The following FNBP1 variants were observed in gnomAD, a reference collection of about 807,000 sequenced individuals.
FNBP1 encodes the protein formin-binding protein 1.
In FNBP1, 26 loss-of-function variants were observed where a neutral mutation model predicts 90.6. The ratio of observed to expected loss-of-function variants is 0.29; its 90% CI spans 0.21 to 0.40. The LOEUF (loss-of-function observed/expected upper bound fraction) is 0.40, where lower values mean the gene tolerates loss of function less well. FNBP1 is among the 10% of genes least tolerant of loss of function. The pLI is 1.00. For synonymous variants in FNBP1, 260 were observed against 265.2 expected (o/e 0.98, Z 0.19); for missense variants, 635 against 768.0 (o/e 0.83, Z 2.05).
chr9:129,989,403 T>A (rs2052772776), intron 2 of FNBP1, among the ~76,000 whole-genome samples: 1 of 152,052 alleles, frequency 6.6e-6, no homozygotes, highest in African/African-American at 2.4e-5. Flanking sequence ...CACAGGCCGG[T>A]GCAAACACAT....
chr9:129,897,578 T>A (rs1240671972), intron 15 of FNBP1, among the ~76,000 whole-genome samples: 1 of 152,102 alleles, frequency 6.6e-6, no homozygotes, highest in Non-Finnish European at 1.5e-5. Flanking sequence ...AAAATGCAAC[T>A]TTTTCGTAAT....
intron 4 of FNBP1, among the ~76,000 whole-genome samples, chr9:129,969,297 A>T (rs1471532254): frequency 6.6e-6 from 1 of 152,236 alleles, no homozygotes; most frequent in Non-Finnish European, 1.5e-5. Context: ...TCAGAGTTTT[A>T]TCAAGAACCA....
chr9:129,908,378 CTTT>C (rs530113400), intron 12 of FNBP1, among the ~76,000 whole-genome samples: 2 of 132,490 alleles, frequency 1.5e-5, no homozygotes, highest in Admixed American at 7.7e-5. Flanking sequence ...TAGTTTTTTT[CTTT>C]TTTTTTTTTT....
At chr9:129,956,590 T>C (rs919656878) in intron 6 of FNBP1, among the ~76,000 whole-genome samples, 1 of 152,192 alleles carries the variant, frequency 6.6e-6, no homozygotes, top group Non-Finnish European at 1.5e-5. Context: ...GACTGAAATA[T>C]GCAAGGCTTC....
chr9:130,045,536 A>C (rs2060055840), upstream of FNBP1, among the ~76,000 whole-genome samples: 1 of 152,228 alleles, frequency 6.6e-6, no homozygotes, highest in Admixed American at 6.5e-5. Flanking sequence ...GGACAGCAGA[A>C]GAAAAAAAGA....
chr9:129,943,469 C>A (rs549482798), intron 6 of FNBP1, among the ~76,000 whole-genome samples: 76 of 133,272 alleles, frequency 5.7e-4, no homozygotes, highest in Non-Finnish European at 1.0e-3. Flanking sequence ...TCACTGCAAC[C>A]TTTGCCTCCC....
At chr9:130,033,768 G>A (rs577677032) in intron 1 of FNBP1, among the ~76,000 whole-genome samples, 30 of 149,876 alleles carry the variant, frequency 2.0e-4, no homozygotes, top group Non-Finnish European at 3.4e-4. Flanking sequence ...CGAGGCGGGC[G>A]GATCACGAGG....
At chr9:129,918,642 T>G (rs961779241) in intron 10 of FNBP1, among the ~76,000 whole-genome samples, 1 of 152,186 alleles carries the variant, frequency 6.6e-6, no homozygotes, top group Admixed American at 6.5e-5. Context: ...CTTGATTTGT[T>G]TGTTTGTTCT....
At chr9:129,912,813 C>T (rs1226256709) in intron 11 of FNBP1, among the ~76,000 whole-genome samples, 1 of 152,074 alleles carries the variant, frequency 6.6e-6, no homozygotes, top group African/African-American at 2.4e-5. Context: ...TGGCAATGTT[C>T]TATGGCCGCT....
chr9:129,912,498 G>A (rs1192013732), intron 11 of FNBP1, among the ~76,000 whole-genome samples: 1 of 151,792 alleles, frequency 6.6e-6, no homozygotes, highest in Non-Finnish European at 1.5e-5. Flanking sequence ...AGACGAGCCT[G>A]ACCAACATGG....
intron 6 of FNBP1, among the ~76,000 whole-genome samples, chr9:129,946,079 G>A (rs2045240986): frequency 6.6e-6 from 1 of 152,072 alleles, no homozygotes; most frequent in South Asian, 2.1e-4. Context: ...TGAGGCACGA[G>A]AATCACTTGA....
In FNBP1 at chr9:129,900,682, C is replaced by T; in HGVS notation, c.1429-135G>A. The T allele has an allele frequency of 1.1e-6, 1 of 928,806 alleles. No homozygotes were observed. Among genetic ancestry groups the T allele is most frequent in the Non-Finnish European group, 1.4e-6 (1 of 696,922 alleles). The allele number at this position is 928,806 out of a possible 1,614,324, so 57.5% of individuals were successfully genotyped here. A position where few individuals can be genotyped will look rare whatever the true frequency, so the allele number is the denominator to read the frequency against. On this transcript the variant is annotated intron_variant, in intron 13 of 16. Transcript: ENST00000446176. This position sits in a 1 kb window ranked among gnomAD's most constrained non-coding sequence, Gnocchi z 4.1. ...TCCCAAACTCAGGGGCTACTCTTGG[C>T]CATTTAACCCAATGTGAGGAAGTCC...
At chr9:129,919,379 A>G in intron 10 of FNBP1, 1 of 360,390 alleles carries the variant, frequency 2.8e-6, no homozygotes, top group Non-Finnish European at 5.4e-6. Flanking sequence ...AATGAACTCT[A>G]AAATATGAAA....
At chr9:129,956,720 T>A (rs2046995612) in intron 6 of FNBP1, among the ~76,000 whole-genome samples, 1 of 152,118 alleles carries the variant, frequency 6.6e-6, no homozygotes, top group South Asian at 2.1e-4. Flanking sequence ...CCCTGTCCTG[T>A]CTCCTCCGGC....
intron 12 of FNBP1, among the ~76,000 whole-genome samples, chr9:129,908,028 G>A (rs188314264): frequency 3.9e-4 from 59 of 151,704 alleles, no homozygotes; most frequent in African/African-American, 1.3e-3. Flanking sequence ...TGCCCAGCTG[G>A]GTTTTGATTC....
At chr9:129,921,568 A>T (rs528707582) in intron 10 of FNBP1, among the ~76,000 whole-genome samples, 50 of 152,028 alleles carry the variant, frequency 3.3e-4, no homozygotes, top group African/African-American at 1.2e-3. Context: ...GACATTAACC[A>T]TGCCCGGCTA....
chr9:129,929,808 T>A, intron 6 of FNBP1, 113 bp from the exon 7 acceptor site: 1 of 897,350 alleles, frequency 1.1e-6, no homozygotes, highest in Non-Finnish European at 1.7e-6. Flanking sequence ...CAGATTTACC[T>A]CAAATGTATT....
chr9:129,923,963 A>G lies in FNBP1; in HGVS notation c.1051T>C (p.Ser351Pro), dbSNP rs754365231. The change falls in exon 10 of 17, where the codon TCT (serine) becomes CCT (proline). Residue 351 changes from serine to proline, a missense_variant. Coordinates refer to ENST00000446176, the MANE Select transcript of FNBP1 (RefSeq NM_015033.3). ...PPPPPASASP[S>P]AVPNGPQSPK... ...GACTGGGGGCCGTTGGGAACAGCAG[A>G]GGGTGAGGCAGAGGCAGGAGGGGGA... 12 of 1,339,442 alleles carry G rather than the reference A, an allele frequency of 9.0e-6. No individual in the cohort carries two copies. The South Asian group carries it at 1.6e-4, about 18-fold the overall frequency. 83.0% of individuals were successfully genotyped at this position (1,339,442 alleles called of 1,614,324 possible).
chr9:129,899,288 G>C (rs775699879), intron 15 of FNBP1, among the ~76,000 whole-genome samples: 1 of 151,994 alleles, frequency 6.6e-6, no homozygotes, highest in Non-Finnish European at 1.5e-5. Flanking sequence ...ATGTTGGCGA[G>C]GCTGGTCTTG....
Sources: allele counts gnomAD v4.1 joint callset (sites outside exome capture counted in the v4.1 genomes callset), GRCh38; gene constraint gnomAD v4.1.1; non-coding constraint Gnocchi (gnomAD v3.1); transcripts MANE v1.5; gene names NCBI Gene and HGNC (gene_info 2026-07-23, HGNC 2026-07-21).